The following PAX7 variants were observed in gnomAD, a reference collection of about 807,000 sequenced individuals.
PAX7 encodes the protein paired box 7.
Under a neutral mutation model 50.7 loss-of-function variants are expected in PAX7, and 18 were observed. The observed-to-expected ratio is 0.36, with a 90% CI of 0.25 to 0.53. PAX7 has a LOEUF of 0.53. Among genes scored for constraint, PAX7 ranks in the 20% least tolerant of loss-of-function variants. The pLI, the probability that PAX7 is intolerant of heterozygous loss-of-function variation, is 0.93. For synonymous variants in PAX7, 310 were observed against 290.4 expected (o/e 1.07, Z -0.69); for missense variants, 644 against 702.9 (o/e 0.92, Z 0.95).
chr1:18,665,255 G>T (rs1055882260), intron 4 of PAX7, among the ~76,000 whole-genome samples: 1 of 152,164 alleles, frequency 6.6e-6, no homozygotes, highest in African/African-American at 2.4e-5. Context: ...ACACACCTAT[G>T]GCACATGACC....
At chr1:18,637,844 G>A (rs1055581602) in intron 4 of PAX7, among the ~76,000 whole-genome samples, 1 of 152,244 alleles carries the variant, frequency 6.6e-6, no homozygotes, top group Non-Finnish European at 1.5e-5. Context: ...AGGGAAGAAA[G>A]GGAGCCAGCT....
chr1:18,655,171 T>G (rs1328252133), intron 4 of PAX7, among the ~76,000 whole-genome samples: 1 of 152,216 alleles, frequency 6.6e-6, no homozygotes, highest in Non-Finnish European at 1.5e-5. Flanking sequence ...TTATTTTCAA[T>G]GAAGACAATG....
At chr1:18,643,755 C>G (rs1449492809) in intron 4 of PAX7, among the ~76,000 whole-genome samples, 5 of 152,234 alleles carry the variant, frequency 3.3e-5, no homozygotes, top group Admixed American at 3.3e-4. Flanking sequence ...AAAGGCAGTT[C>G]ATCATATTAC....
At chr1:18,685,441 A>T (rs538242114) in intron 4 of PAX7, among the ~76,000 whole-genome samples, 1 of 152,280 alleles carries the variant, frequency 6.6e-6, no homozygotes, top group South Asian at 2.1e-4. Flanking sequence ...GACCAGTGAG[A>T]CCCACAGACC....
intron 4 of PAX7, among the ~76,000 whole-genome samples, chr1:18,667,450 G>GC (rs2088687111): frequency 1.4e-5 from 2 of 147,112 alleles, no homozygotes; most frequent in African/African-American, 5.0e-5. Flanking sequence ...AAGGAAGGAA[G>GC]GAGCTTTGGT....
At chr1:18,670,698 G>A (rs375122874) in intron 4 of PAX7, among the ~76,000 whole-genome samples, 5 of 152,292 alleles carry the variant, frequency 3.3e-5, no homozygotes, top group African/African-American at 1.2e-4. Context: ...CCAGGGCCTG[G>A]TCAGAGGGTG....
intron 4 of PAX7, among the ~76,000 whole-genome samples, chr1:18,684,747 T>C (rs1341948824): frequency 5.3e-5 from 8 of 152,230 alleles, no homozygotes. Context: ...TTCGTTTCTC[T>C]GCCGCAGCTC....
At chr1:18,692,911 C>A (rs1198194536) in intron 5 of PAX7, among the ~76,000 whole-genome samples, 3 of 152,144 alleles carry the variant, frequency 2.0e-5, no homozygotes, top group Non-Finnish European at 4.4e-5. Flanking sequence ...GGGGCAAAGG[C>A]CTGCTGTAGG....
intron 7 of PAX7, among the ~76,000 whole-genome samples, chr1:18,706,460 CTT>C (rs71027391): frequency 2.6e-3 from 255 of 98,590 alleles, no homozygotes; most frequent in African/African-American, 7.8e-3. Context: ...CTCTCTCTCT[CTT>C]TTTTTTTTTT....
rs758413235 is a variant in PAX7, at chr1:18,635,221, C to A, written c.432C>A (p.Asp144Glu). ...GGCTGCTGAAGGATGGGCACTGTGA[C>A]CGAAGCACTGTGCCCTCAGGTGAGA... Reference protein sequence around the residue: ...RDRLLKDGHCDRSTVPSGLVS... With the variant: ...RDRLLKDGHCERSTVPSGLVS... Residue 144 changes from aspartate to glutamate, a missense_variant, in exon 3 of 9, where the codon GAC (aspartate) becomes GAA (glutamate). Physicochemically the swap from Asp to Glu is conservative, Grantham distance 45. Transcript: ENST00000420770. 1 of 1,613,654 alleles carries A rather than the reference C, an allele frequency of 6.2e-7. No individual in the cohort carries two copies.
chr1:18,662,259 C>T (rs1476246812), intron 4 of PAX7, among the ~76,000 whole-genome samples: 5 of 152,158 alleles, frequency 3.3e-5, no homozygotes, highest in Admixed American at 3.3e-4. Flanking sequence ...TACTCCTGCT[C>T]TCTGAGCTTT....
At chr1:18,717,809 T>C (rs1331383161) in intron 7 of PAX7, among the ~76,000 whole-genome samples, 1 of 152,182 alleles carries the variant, frequency 6.6e-6, no homozygotes, top group East Asian at 1.9e-4. Flanking sequence ...AAACCTGGCC[T>C]CTGCCCTCAA....
At chr1:18,672,730 C>G (rs935573776) in intron 4 of PAX7, among the ~76,000 whole-genome samples, 1 of 151,820 alleles carries the variant, frequency 6.6e-6, no homozygotes, top group African/African-American at 2.4e-5. Context: ...CTCAGCCTCC[C>G]GAGTAGCTGG....
At chr1:18,645,755 G>A (rs1431594192) in intron 4 of PAX7, among the ~76,000 whole-genome samples, 1 of 152,182 alleles carries the variant, frequency 6.6e-6, no homozygotes, top group East Asian at 1.9e-4. Context: ...GTCTGCTCTG[G>A]CTTTACCTGG....
At chr1:18,679,526 C>G (rs546421332) in intron 4 of PAX7, among the ~76,000 whole-genome samples, 34 of 152,336 alleles carry the variant, frequency 2.2e-4, no homozygotes, top group African/African-American at 7.5e-4. Flanking sequence ...GATTTTGAGA[C>G]CTCTCCTTAG....
At chr1:18,660,178 T>C (rs1373651317) in intron 4 of PAX7, among the ~76,000 whole-genome samples, 3 of 152,066 alleles carry the variant, frequency 2.0e-5, no homozygotes, top group Admixed American at 6.5e-5. Context: ...CATTTGGAGC[T>C]TGGCTCTTTG....
In PAX7 at chr1:18,747,762, G is replaced by A. The variant is rs953782784; in HGVS notation, c.*2833G>A. ...AGTTCATTGTACAATAGTTGGAAAC[G>A]TGGTGATGTGCTGTTCGTTTATAGA... On this transcript the variant is annotated 3_prime_UTR_variant, in exon 9 of 9. Coordinates refer to ENST00000420770, the MANE Select transcript of PAX7 (RefSeq NM_001135254.2). 1 of 197,350 alleles carries A rather than the reference G, an allele frequency of 5.1e-6. No homozygotes were observed. The highest frequency in any genetic ancestry group is 2.3e-5 in the African/African-American group (1 of 43,258). 12.2% of individuals were successfully genotyped at this position (197,350 alleles called of 1,614,324 possible).
intron 4 of PAX7, among the ~76,000 whole-genome samples, chr1:18,639,263 C>T (rs1418954586): frequency 6.6e-6 from 1 of 152,170 alleles, no homozygotes; most frequent in African/African-American, 2.4e-5. Flanking sequence ...TTCTCACTCT[C>T]AGAGTTTGAA....
chr1:18,718,023 G>A (rs2089449358), intron 7 of PAX7, among the ~76,000 whole-genome samples: 1 of 152,170 alleles, frequency 6.6e-6, no homozygotes, highest in South Asian at 2.1e-4. Context: ...AACAAGCTAT[G>A]GTTCAACAAT....
Sources: allele counts gnomAD v4.1 joint callset (sites outside exome capture counted in the v4.1 genomes callset), GRCh38; gene constraint gnomAD v4.1.1; transcripts MANE v1.5; gene names NCBI Gene and HGNC (gene_info 2026-07-23, HGNC 2026-07-21).